The following OTUD7B variants were observed in gnomAD, a reference collection of about 807,000 sequenced individuals.
The protein encoded by OTUD7B is OTU domain-containing protein 7B.
A neutral mutation model predicts 82.2 loss-of-function variants in OTUD7B; 34 were observed. The observed-to-expected ratio is 0.41, with a 90% CI of 0.31 to 0.55. The LOEUF is 0.55. Ranked by LOEUF, OTUD7B falls within the 20% of genes least tolerant of loss-of-function variation. The probability of loss-of-function intolerance (pLI) is 0.20; values close to 1 mark genes in which losing one functional copy is unlikely to be tolerated. For synonymous variants in OTUD7B, 398 were observed against 402.7 expected (o/e 0.99, Z 0.14); for missense variants, 944 against 1,062.1 (o/e 0.89, Z 1.55).
intron 1 of OTUD7B, among the ~76,000 whole-genome samples, chr1:149,981,485 T>G (rs1297289366): frequency 6.6e-6 from 1 of 152,208 alleles, no homozygotes; most frequent in Non-Finnish European, 1.5e-5. Context: ...CCGGTTTTGA[T>G]TCTGTTCTCC....
At chr1:149,976,643 T>G (rs1650338752) in intron 2 of OTUD7B, among the ~76,000 whole-genome samples, 1 of 130,730 alleles carries the variant, frequency 7.6e-6, no homozygotes, top group Non-Finnish European at 1.6e-5. Context: ...ACTAGAACAT[T>G]CAAACTTATG....
chr1:150,059,053 C>CTTTT, the OTUD7B span, among the ~76,000 whole-genome samples: 44 of 125,466 alleles, frequency 3.5e-4, no homozygotes, highest in African/African-American at 4.8e-4. Flanking sequence ...ACTTTCTTTT[C>CTTTT]TTTTTTTTTT....
chr1:150,021,929 C>G, the OTUD7B span, among the ~76,000 whole-genome samples: 3 of 152,172 alleles, frequency 2.0e-5, no homozygotes, highest in Non-Finnish European at 2.9e-5. Context: ...AACATCTAAT[C>G]CAGTCATTTA....
At chr1:150,047,318 T>A in the OTUD7B span, among the ~76,000 whole-genome samples, 1 of 152,190 alleles carries the variant, frequency 6.6e-6, no homozygotes, top group African/African-American at 2.4e-5. Flanking sequence ...AGCAAATGAT[T>A]CCCTAACCAC....
chr1:150,007,668 A>G (rs1461494995), intron 1 of OTUD7B, among the ~76,000 whole-genome samples: 2 of 152,216 alleles, frequency 1.3e-5, no homozygotes, highest in Admixed American at 6.5e-5. Context: ...ATCATTACTC[A>G]GCAAGGATGT....
At chr1:150,048,268 A>G in the OTUD7B span, among the ~76,000 whole-genome samples, 3 of 152,216 alleles carry the variant, frequency 2.0e-5, no homozygotes, top group African/African-American at 4.8e-5. Context: ...AACCAAAATT[A>G]AAGAGAGAAT....
the OTUD7B span, among the ~76,000 whole-genome samples, chr1:150,060,557 A>T: frequency 6.6e-6 from 1 of 152,194 alleles, no homozygotes; most frequent in Non-Finnish European, 1.5e-5. Flanking sequence ...GTACTTCGTT[A>T]TTGCAGCCCT....
At chr1:149,951,339 C>T (rs935109890) in intron 7 of OTUD7B, among the ~76,000 whole-genome samples, 2 of 152,160 alleles carry the variant, frequency 1.3e-5, no homozygotes, top group African/African-American at 2.4e-5. Context: ...CTCCTGACCT[C>T]GTGATCCGCC....
chr1:150,049,629 C>CTCTTTTTTTTTTTT, the OTUD7B span, among the ~76,000 whole-genome samples: 2 of 43,468 alleles, frequency 4.6e-5, 1 homozygote. Context: ...CTCTCTCTCT[C>CTCTTTTTTTTTTTT]TTTCTTTTTT....
At chr1:150,046,340 T>C in the OTUD7B span, among the ~76,000 whole-genome samples, 1 of 152,134 alleles carries the variant, frequency 6.6e-6, no homozygotes, top group Non-Finnish European at 1.5e-5. Context: ...ATCTGGGTTG[T>C]TGTAAAGCCT....
At chr1:149,998,483 C>T (rs1652059928) in intron 1 of OTUD7B, among the ~76,000 whole-genome samples, 1 of 152,166 alleles carries the variant, frequency 6.6e-6, no homozygotes, top group African/African-American at 2.4e-5. Flanking sequence ...TTTCCTGCCC[C>T]CAAAACAAGG....
chr1:149,960,984 TG>T lies in OTUD7B; in HGVS notation c.733-1189del, dbSNP rs1268969425. On this transcript the variant is annotated intron_variant, in intron 6 of 11. Coordinates refer to ENST00000581312, the MANE Select transcript of OTUD7B (RefSeq NM_020205.4). Reference sequence around the variant, plus strand: ...CTCTGTCGCCCAGGCTGGAGTACAGTGGAACGATCTCAGCTCACTGCAACCT... The same window carrying T: ...CTCTGTCGCCCAGGCTGGAGTACAGTGAACGATCTCAGCTCACTGCAACCT... The T allele has an allele frequency of 3.9e-5, 5 of 129,374 alleles. No homozygotes were observed. The Admixed American group carries it at 4.8e-4, about 12-fold the overall frequency. 8.0% of individuals were successfully genotyped at this position (129,374 alleles called of 1,614,324 possible). A position where few individuals can be genotyped will look rare whatever the true frequency, so the allele number is the denominator to read the frequency against.
At chr1:149,964,200 G>A (rs781961719) in intron 6 of OTUD7B, 22 bp downstream of exon 6, 121 of 1,607,562 alleles carry the variant, frequency 7.5e-5, no homozygotes, top group Non-Finnish European at 9.7e-5. Flanking sequence ...GAAACAAGGC[G>A]CTCCCACCCA....
Position 149,943,923 on chromosome 1 carries a change from A to G in OTUD7B, c.2466T>C (p.Cys822=). The part of the protein sequence containing the change: ...HPETNNFCSC[C]YREELRRRER... Reference sequence around the variant, plus strand: ...CCCTCCTCCTCAGTTCTTCCCTGTAACAACAGGAACAGAAGTTGTTTGTCT... The same window carrying G: ...CCCTCCTCCTCAGTTCTTCCCTGTAGCAACAGGAACAGAAGTTGTTTGTCT... The change falls in exon 12 of 12, where the codon TGT becomes TGC. Residue 822 remains cysteine, a synonymous_variant. Transcript: ENST00000581312. 6.2e-7 allele frequency: 1 copy of G among 1,614,158 alleles called. No homozygotes were observed.
At chr1:150,030,262 G>T in the OTUD7B span, among the ~76,000 whole-genome samples, 50 of 152,248 alleles carry the variant, frequency 3.3e-4, no homozygotes, top group Admixed American at 9.8e-4. Context: ...AGGCCTTGGT[G>T]TGGATGGGAA....
chr1:149,965,979 T>C (rs1250777600), intron 4 of OTUD7B, 101 bp from the exon 5 acceptor site: 2 of 798,746 alleles, frequency 2.5e-6, no homozygotes, highest in Non-Finnish European at 4.1e-6. Context: ...CTAGGAGGCC[T>C]ACCCAGAATA....
chr1:150,055,244 T>G, the OTUD7B span, among the ~76,000 whole-genome samples: 4 of 152,182 alleles, frequency 2.6e-5, no homozygotes, highest in Admixed American at 1.3e-4. Flanking sequence ...TTCACCGTGT[T>G]AGTCAAGATA....
chr1:150,042,679 G>A, the OTUD7B span, among the ~76,000 whole-genome samples: 1 of 152,008 alleles, frequency 6.6e-6, no homozygotes, highest in Non-Finnish European at 1.5e-5. Flanking sequence ...GCTCCTTCTT[G>A]TAAGAGTCAT....
rs587635232 is a variant in OTUD7B at position 149,984,332 on chromosome 1, A to T, written c.-66-6756T>A. 1.8e-4 allele frequency among the ~76,000 whole-genome samples: 27 copies of T among 152,312 alleles called. No homozygotes were observed. In the South Asian group the frequency reaches 5.4e-3, roughly 30 times the overall value. ...TGGCGGTTACTCTCCTCTTCCCTGC[A>T]AATCTCCTTGTCCTCAACCTACAAA... On this transcript the variant is annotated intron_variant, in intron 1 of 11. Coordinates refer to ENST00000581312, the MANE Select transcript of OTUD7B (RefSeq NM_020205.4).
Sources: gnomAD v4.1 joint callset for allele counts (sites outside exome capture counted in the v4.1 genomes callset) on GRCh38, gnomAD v4.1.1 for gene constraint, MANE v1.5 for transcripts, NCBI Gene and HGNC (gene_info 2026-07-23, HGNC 2026-07-21) for gene names.